The following DYNC1I1 variants were observed in gnomAD, a reference collection of about 807,000 sequenced individuals.
The protein encoded by DYNC1I1 is cytoplasmic dynein 1 intermediate chain 1.
Under a neutral mutation model 86.6 loss-of-function variants are expected in DYNC1I1, and 43 were observed. The observed-to-expected ratio is 0.50, with a 90% CI of 0.39 to 0.64. The LOEUF (loss-of-function observed/expected upper bound fraction) is 0.64, where lower values mean the gene tolerates loss of function less well. DYNC1I1 is among the 30% of genes least tolerant of loss of function. The pLI, the probability that DYNC1I1 is intolerant of heterozygous loss-of-function variation, is 0.00. For synonymous variants in DYNC1I1, 262 were observed against 283.7 expected (o/e 0.92, Z 0.77); for missense variants, 604 against 788.8 (o/e 0.77, Z 2.81).
chr7:95,804,623 C>G, intron 1 of DYNC1I1, 98 bp from the exon 2 acceptor site: 1 of 1,285,948 alleles, frequency 7.8e-7, no homozygotes, highest in Non-Finnish European at 1.0e-6. Flanking sequence ...ATCCAAAAGT[C>G]ACATTGTTAA....
At chr7:95,843,351 A>G (rs2116026186) in intron 5 of DYNC1I1, among the ~76,000 whole-genome samples, 1 of 151,976 alleles carries the variant, frequency 6.6e-6, no homozygotes, top group Non-Finnish European at 1.5e-5. Context: ...TGGACTCTCA[A>G]CTCTGTCTCT....
intron 6 of DYNC1I1, among the ~76,000 whole-genome samples, chr7:95,969,203 A>G (rs9640639): frequency 0.82 from 124,159 of 152,156 alleles, 51,091 homozygotes; most frequent in East Asian, 0.92. Context: ...GTGGCTAAAG[A>G]ATCCATGACT....
intron 4 of DYNC1I1, among the ~76,000 whole-genome samples, chr7:95,819,991 A>T (rs530852028): frequency 1.3e-5 from 2 of 152,304 alleles, no homozygotes; most frequent in East Asian, 3.9e-4. Context: ...TTGGGAAAAC[A>T]TGCTCTTGTT....
intron 16 of DYNC1I1, among the ~76,000 whole-genome samples, chr7:96,090,630 C>T (rs2116312269): frequency 6.6e-6 from 1 of 152,064 alleles, no homozygotes; most frequent in Non-Finnish European, 1.5e-5. Flanking sequence ...TGAGGGTTCC[C>T]TTAGATGGGA....
chr7:95,998,817 T>C (rs1238189777), intron 10 of DYNC1I1, among the ~76,000 whole-genome samples: 2 of 152,066 alleles, frequency 1.3e-5, no homozygotes, highest in African/African-American at 4.8e-5. Flanking sequence ...CAGAGAAGCA[T>C]TGTGTCAGTC....
At chr7:95,821,067 G>A (rs748797250) in intron 4 of DYNC1I1, among the ~76,000 whole-genome samples, 4 of 152,312 alleles carry the variant, frequency 2.6e-5, no homozygotes, top group South Asian at 2.1e-4. Context: ...TAATAAAAAC[G>A]TAAAAACTGT....
intron 5 of DYNC1I1, among the ~76,000 whole-genome samples, chr7:95,865,867 A>C (rs1790004977): frequency 6.6e-6 from 1 of 152,300 alleles, no homozygotes; most frequent in Admixed American, 6.5e-5. Flanking sequence ...GTTGCCTAAC[A>C]TGCAATTCTC....
intron 6 of DYNC1I1, among the ~76,000 whole-genome samples, chr7:95,938,637 T>C (rs1468276680): frequency 6.6e-6 from 1 of 152,192 alleles, no homozygotes; most frequent in African/African-American, 2.4e-5. Flanking sequence ...ATCTGTAATA[T>C]GGATCATGAG....
chr7:95,982,891 T>C (rs940854449), intron 7 of DYNC1I1, among the ~76,000 whole-genome samples: 1 of 152,174 alleles, frequency 6.6e-6, no homozygotes, highest in Non-Finnish European at 1.5e-5. Context: ...AAATGTCTCA[T>C]TTACAGGAGT....
chr7:95,822,290 G>A (rs1475518710), intron 4 of DYNC1I1, among the ~76,000 whole-genome samples: 1 of 152,172 alleles, frequency 6.6e-6, no homozygotes, highest in Non-Finnish European at 1.5e-5. Flanking sequence ...TTTAAAATAT[G>A]AAATGAAATT....
intron 6 of DYNC1I1, among the ~76,000 whole-genome samples, chr7:95,929,041 C>T (rs550186245): frequency 2.0e-5 from 3 of 152,102 alleles, no homozygotes; most frequent in Non-Finnish European, 4.4e-5. Context: ...CAACTGGGTA[C>T]GAGTAAAGTG....
At chr7:95,961,534 A>G (rs955264052) in intron 6 of DYNC1I1, among the ~76,000 whole-genome samples, 1 of 152,124 alleles carries the variant, frequency 6.6e-6, no homozygotes. Flanking sequence ...ATTTGTTTTC[A>G]TGATTCTGCA....
chr7:95,887,968 C>G (rs1368777107), intron 6 of DYNC1I1, among the ~76,000 whole-genome samples: 1 of 152,150 alleles, frequency 6.6e-6, no homozygotes, highest in Non-Finnish European at 1.5e-5. Flanking sequence ...TCAGTGGTGA[C>G]AGTGGCCTTG....
downstream of DYNC1I1, among the ~76,000 whole-genome samples, chr7:96,099,940 A>G (rs932412648): frequency 6.6e-6 from 1 of 152,140 alleles, no homozygotes; most frequent in African/African-American, 2.4e-5. Flanking sequence ...ACAGAAGCTG[A>G]CCATGGAGTG....
At chr7:95,866,602 A>G (rs1236086646) in intron 5 of DYNC1I1, among the ~76,000 whole-genome samples, 1 of 152,230 alleles carries the variant, frequency 6.6e-6, no homozygotes, top group Non-Finnish European at 1.5e-5. Flanking sequence ...AAGATGATGT[A>G]TGAAAAGCGT....
chr7:96,067,370 C>T (rs986809442), intron 14 of DYNC1I1, among the ~76,000 whole-genome samples: 6 of 151,712 alleles, frequency 4.0e-5, no homozygotes, highest in African/African-American at 1.5e-4. Context: ...CCTTTCCTAA[C>T]ATAAGATGGC....
rs537890685 is a variant in DYNC1I1, at chr7:96,106,392, A to G, written c.1543-3587A>G. On this transcript the variant is annotated intron_variant, in intron 16 of 16. Transcript: ENST00000537881. ...CTACTAAAAATGCAAAAAATTAGCC[A>G]GGTGTGGTGGCCGGCGCCTATAATC... Among the ~76,000 whole-genome samples the G allele has an allele frequency of 1.9e-3, 284 of 152,142 alleles. 3 individuals are homozygous for G. Among genetic ancestry groups the G allele is most frequent in the African/African-American group, 6.6e-3 (275 of 41,526 alleles).
chr7:95,943,756 A>G (rs1792309494), intron 6 of DYNC1I1, among the ~76,000 whole-genome samples: 2 of 151,290 alleles, frequency 1.3e-5, no homozygotes, highest in Non-Finnish European at 2.9e-5. Flanking sequence ...CAAACCTGAG[A>G]AAAACAAGCA....
intron 2 of DYNC1I1, among the ~76,000 whole-genome samples, chr7:95,809,483 A>T (rs1794778613): frequency 1.3e-5 from 2 of 152,172 alleles, no homozygotes; most frequent in Admixed American, 1.3e-4. Context: ...GTTACACATC[A>T]ACGTGATGTT....
Sources: allele counts gnomAD v4.1 joint callset (sites outside exome capture counted in the v4.1 genomes callset), GRCh38; gene constraint gnomAD v4.1.1; transcripts MANE v1.5; gene names NCBI Gene and HGNC (gene_info 2026-07-23, HGNC 2026-07-21).